The following RANBP17 variants were observed in gnomAD, a reference collection of about 807,000 sequenced individuals.
RANBP17 encodes the protein RAN binding protein 17.
RANBP17 carries 158 observed loss-of-function variants against 141.2 expected under a neutral mutation model. That is an observed-to-expected ratio of 1.12 (90% CI 0.98 to 1.28). RANBP17 has a LOEUF of 1.28. RANBP17 is among the 50% of genes most tolerant of loss of function. The pLI is 0.00. For synonymous variants in RANBP17, 430 were observed against 450.0 expected (o/e 0.96, Z 0.56); for missense variants, 1,438 against 1,290.7 (o/e 1.11, Z -1.75).
intron 1 of RANBP17, among the ~76,000 whole-genome samples, chr5:170,875,686 A>G (rs1186836623): frequency 1.2e-5 from 1 of 84,510 alleles, no homozygotes; most frequent in African/African-American, 4.0e-5. Context: ...TCAACTGGTT[A>G]TTCTAGTTAG....
intron 21 of RANBP17, among the ~76,000 whole-genome samples, chr5:171,214,921 G>A (rs1763124260): frequency 1.3e-5 from 2 of 152,034 alleles, no homozygotes; most frequent in Admixed American, 6.6e-5. Context: ...TGGGATACAT[G>A]TGCAGAACAT....
At chr5:170,915,812 C>G (rs923285680) in intron 8 of RANBP17, among the ~76,000 whole-genome samples, 16 of 151,992 alleles carry the variant, frequency 1.1e-4, no homozygotes, top group African/African-American at 3.9e-4. Flanking sequence ...TACTGTACCA[C>G]AAAACCATAT....
intron 16 of RANBP17, among the ~76,000 whole-genome samples, chr5:171,176,856 GTGAATCC>G (rs896673968): frequency 6.6e-6 from 1 of 152,184 alleles, no homozygotes; most frequent in Non-Finnish European, 1.5e-5. Context: ...CCATTTGGGT[GTGAATCC>G]TGAATGTGGT....
intron 14 of RANBP17, among the ~76,000 whole-genome samples, chr5:171,091,023 C>G (rs574343205): frequency 6.6e-6 from 1 of 152,304 alleles, no homozygotes; most frequent in East Asian, 1.9e-4. Context: ...CCTTCTGGAA[C>G]ATTGCCTAGT....
intron 14 of RANBP17, among the ~76,000 whole-genome samples, chr5:171,167,333 A>G (rs1421566091): frequency 6.6e-6 from 1 of 152,186 alleles, no homozygotes; most frequent in Non-Finnish European, 1.5e-5. Context: ...TTAAAACAAA[A>G]ATTATGTCTG....
intron 24 of RANBP17, among the ~76,000 whole-genome samples, chr5:171,264,901 C>T (rs1340056363): frequency 1.3e-5 from 2 of 152,170 alleles, no homozygotes; most frequent in Non-Finnish European, 2.9e-5. Context: ...TCTTTTGAAA[C>T]CCTATCAGGT....
At chr5:170,937,233 T>C (rs1272065148) in intron 12 of RANBP17, among the ~76,000 whole-genome samples, 3 of 152,256 alleles carry the variant, frequency 2.0e-5, no homozygotes, top group Non-Finnish European at 4.4e-5. Context: ...ACAAACCATG[T>C]GAGGTCTGAC....
intron 14 of RANBP17, among the ~76,000 whole-genome samples, chr5:170,996,874 C>G (rs760054315): frequency 4.6e-5 from 7 of 152,070 alleles, no homozygotes; most frequent in Non-Finnish European, 7.4e-5. Context: ...GTTAAGTCCC[C>G]AAAACTGCAT....
chr5:171,042,583 G>A (rs895801036), intron 14 of RANBP17, among the ~76,000 whole-genome samples: 3 of 152,082 alleles, frequency 2.0e-5, no homozygotes, highest in Admixed American at 2.0e-4. Flanking sequence ...TATATTTTGA[G>A]GATGATTGGG....
At chr5:171,039,978 A>C (rs1337731573) in intron 14 of RANBP17, among the ~76,000 whole-genome samples, 2 of 152,236 alleles carry the variant, frequency 1.3e-5, no homozygotes, top group East Asian at 3.9e-4. Flanking sequence ...TACCGAAACT[A>C]TTCCAAAAAA....
At chr5:171,180,020 A>G (rs189235576) in intron 16 of RANBP17, among the ~76,000 whole-genome samples, 9 of 152,338 alleles carry the variant, frequency 5.9e-5, no homozygotes, top group African/African-American at 1.7e-4. Context: ...CTAGCTATCA[A>G]TAAGACTGTC....
intron 24 of RANBP17, among the ~76,000 whole-genome samples, chr5:171,264,134 A>C (rs1282061609): frequency 6.6e-6 from 1 of 152,202 alleles, no homozygotes; most frequent in African/African-American, 2.4e-5. Context: ...AGTGGTTAAG[A>C]ATACAGATCC....
At chr5:171,230,936 T>TTTTTTTTTG (rs1764168881) in intron 22 of RANBP17, among the ~76,000 whole-genome samples, 1 of 151,628 alleles carries the variant, frequency 6.6e-6, no homozygotes, top group Admixed American at 6.6e-5. Context: ...TTTTTTTGGT[T>TTTTTTTTTG]TTGTTTTGTT....
In RANBP17 at chr5:170,900,279, G is replaced by C. The variant is rs138716476; in HGVS notation, c.489+4164G>C. Reference sequence around the variant, plus strand: ...TCCAGGAATTTATCCATTTCTTCTAGATTTTCTAGTTTATTTGCATAGAGG... The same window carrying C: ...TCCAGGAATTTATCCATTTCTTCTACATTTTCTAGTTTATTTGCATAGAGG... On this transcript the variant is annotated intron_variant, in intron 5 of 27. Coordinates refer to ENST00000523189, the MANE Select transcript of RANBP17 (RefSeq NM_022897.5). Among the ~76,000 whole-genome samples, 176 of 152,222 alleles carry C rather than the reference G, an allele frequency of 1.2e-3. 1 individual carries two copies. The highest frequency in any genetic ancestry group is 0.01 in the East Asian group (53 of 5,184).
At chr5:170,893,805 A>G (rs1257969611) in intron 4 of RANBP17, among the ~76,000 whole-genome samples, 4 of 152,202 alleles carry the variant, frequency 2.6e-5, no homozygotes, top group African/African-American at 9.6e-5. Context: ...AAAAAAAAAA[A>G]AGAAAAATCC....
intron 25 of RANBP17, among the ~76,000 whole-genome samples, chr5:171,290,247 T>G (rs1304600017): frequency 6.6e-6 from 1 of 151,888 alleles, no homozygotes; most frequent in Non-Finnish European, 1.5e-5. Flanking sequence ...CACGTGCCTG[T>G]AATCCCAGCT....
intron 13 of RANBP17, among the ~76,000 whole-genome samples, chr5:170,954,703 A>G (rs1775473300): frequency 6.6e-6 from 1 of 152,144 alleles, no homozygotes; most frequent in Admixed American, 6.6e-5. Context: ...TTTTAGATAT[A>G]CTAAATTGTT....
chr5:171,171,161 A>G, intron 15 of RANBP17, 45 bp from the exon 16 acceptor site: 1 of 1,056,328 alleles, frequency 9.5e-7, no homozygotes, highest in Non-Finnish European at 1.4e-6. Flanking sequence ...CTCCTTAGAC[A>G]AGCAAATATC....
chr5:171,262,189 G>A (rs182104972), intron 24 of RANBP17, among the ~76,000 whole-genome samples: 84 of 152,244 alleles, frequency 5.5e-4, no homozygotes, highest in African/African-American at 1.9e-3. Context: ...TCACTGGTGA[G>A]GGGAACCATA....
Sources: allele counts gnomAD v4.1 joint callset (sites outside exome capture counted in the v4.1 genomes callset), GRCh38; gene constraint gnomAD v4.1.1; transcripts MANE v1.5; gene names NCBI Gene and HGNC (gene_info 2026-07-23, HGNC 2026-07-21).